Variants in NXPH1 observed in about 807,000 individuals in gnomAD.
NXPH1 encodes neurexophilin-1.
NXPH1 carries 5 observed loss-of-function variants against 23.7 expected under a neutral mutation model. That is an observed-to-expected ratio of 0.21 (90% CI 0.11 to 0.44). The LOEUF (loss-of-function observed/expected upper bound fraction) is 0.44. Ranked by LOEUF, NXPH1 falls within the 20% of genes least tolerant of loss-of-function variation. The pLI, the probability that NXPH1 is intolerant of heterozygous loss-of-function variation, is 0.99. For missense variants in NXPH1, 324 were observed against 321.6 expected (o/e 1.01, Z -0.06); for synonymous variants, 144 against 122.2 (o/e 1.18, Z -1.18).
chr7:8,528,260 G>A (rs1026536750), intron 2 of NXPH1, among the ~76,000 whole-genome samples: 1 of 152,236 alleles, frequency 6.6e-6, no homozygotes, highest in Non-Finnish European at 1.5e-5. Flanking sequence ...GGCACAGATT[G>A]TGCCCTTCTC....
chr7:8,549,022 T>A (rs1818237105), intron 2 of NXPH1, among the ~76,000 whole-genome samples: 1 of 151,552 alleles, frequency 6.6e-6, no homozygotes, highest in South Asian at 2.1e-4. Flanking sequence ...GTTGTAGAAC[T>A]CCTTTGTTTA....
At chr7:8,727,225 T>C (rs1780071839) in intron 2 of NXPH1, among the ~76,000 whole-genome samples, 1 of 127,530 alleles carries the variant, frequency 7.8e-6, no homozygotes, top group Non-Finnish European at 1.6e-5. Flanking sequence ...TCATTGTAGA[T>C]TCTGGATATT....
chr7:8,442,916 A>G lies in NXPH1; in HGVS notation c.54+7149A>G, dbSNP rs973872554. Among the ~76,000 whole-genome samples the G allele has an allele frequency of 2.0e-5, 3 of 152,226 alleles. No homozygotes were observed. Among genetic ancestry groups the G allele is most frequent in the Admixed American group, 6.5e-5 (1 of 15,288 alleles). On this transcript the variant is annotated intron_variant, in intron 2 of 2. Transcript: ENST00000405863. This position sits in a 1 kb window ranked among gnomAD's most constrained non-coding sequence, Gnocchi z 4.6. ...TTCTCGGGAGAATAGGCCGCGGGCT[A>G]TAAGATTTGATCGCGGGCAGGCGGG...
chr7:8,672,251 C>G (rs1386817783), intron 2 of NXPH1, among the ~76,000 whole-genome samples: 2 of 152,108 alleles, frequency 1.3e-5, no homozygotes, highest in Non-Finnish European at 2.9e-5. Flanking sequence ...ACCGCATATT[C>G]TCACTCATAG....
At chr7:8,498,407 C>T (rs775089657) in intron 2 of NXPH1, among the ~76,000 whole-genome samples, 2 of 152,034 alleles carry the variant, frequency 1.3e-5, no homozygotes, top group Admixed American at 1.3e-4. Flanking sequence ...TTTAGAGTAA[C>T]TTAATGACTA....
chr7:8,542,463 CA>C (rs1225264406), intron 2 of NXPH1, among the ~76,000 whole-genome samples: 5 of 151,316 alleles, frequency 3.3e-5, no homozygotes, highest in Non-Finnish European at 7.4e-5. Context: ...ACAACACAAC[CA>C]AAAAATTGAT....
intron 2 of NXPH1, among the ~76,000 whole-genome samples, chr7:8,450,421 A>G (rs1387847454): frequency 6.6e-6 from 1 of 152,266 alleles, no homozygotes; most frequent in Non-Finnish European, 1.5e-5. Flanking sequence ...TCAGACATCC[A>G]ACTAACTTAG....
intron 2 of NXPH1, among the ~76,000 whole-genome samples, chr7:8,622,620 G>C (rs77425804): frequency 0.043 from 6,505 of 152,232 alleles, 299 homozygotes; most frequent in African/African-American, 0.12. Context: ...CATTCAAACT[G>C]AAAGTTTGAA....
chr7:8,633,226 A>T (rs183119294), intron 2 of NXPH1, among the ~76,000 whole-genome samples: 144 of 152,248 alleles, frequency 9.5e-4, no homozygotes, highest in African/African-American at 3.3e-3. Context: ...AGGTCAGGAG[A>T]TGGAGGCCAT....
chr7:8,644,220 G>A (rs1820360411), intron 2 of NXPH1, among the ~76,000 whole-genome samples: 1 of 152,200 alleles, frequency 6.6e-6, no homozygotes. Flanking sequence ...GGAAGCAAAT[G>A]TCAGTGTTCC....
intron 2 of NXPH1, among the ~76,000 whole-genome samples, chr7:8,444,475 C>T (rs1272765142): frequency 6.6e-6 from 1 of 152,192 alleles, no homozygotes; most frequent in African/African-American, 2.4e-5. Flanking sequence ...AGGGTCTTGC[C>T]TGCTGGATTA....
chr7:8,592,620 A>C (rs1011383450), intron 2 of NXPH1, among the ~76,000 whole-genome samples: 3 of 151,996 alleles, frequency 2.0e-5, no homozygotes, highest in Admixed American at 2.0e-4. Flanking sequence ...AATCTTGGCA[A>C]ATGTTTCCAC....
In NXPH1 at chr7:8,551,793, A is replaced by G. The variant is rs1818279923; in HGVS notation, c.54+116026A>G. On this transcript the variant is annotated intron_variant, in intron 2 of 2. Coordinates refer to ENST00000405863, the MANE Select transcript of NXPH1 (RefSeq NM_152745.3). ...TTGAAGAGCAAACAAATGAGCAAGA[A>G]AACAGTGTTGTACAAATATTGTCAA... 2.6e-5 allele frequency among the ~76,000 whole-genome samples: 4 copies of G among 151,480 alleles called. No individual in the cohort carries two copies. The South Asian group carries it at 8.3e-4, about 31-fold the overall frequency.
intron 2 of NXPH1, among the ~76,000 whole-genome samples, chr7:8,489,771 C>G (rs993837111): frequency 3.3e-5 from 5 of 152,080 alleles, no homozygotes; most frequent in African/African-American, 1.2e-4. Context: ...ACCCTTAATT[C>G]CCTTAGCTGG....
chr7:8,601,347 A>G (rs957253519), intron 2 of NXPH1, among the ~76,000 whole-genome samples: 1 of 152,170 alleles, frequency 6.6e-6, no homozygotes, highest in Admixed American at 6.6e-5. Context: ...AGAGGAAGTG[A>G]AAGAAATATC....
At chr7:8,736,124 C>G (rs564232030) in intron 2 of NXPH1, among the ~76,000 whole-genome samples, 23 of 152,228 alleles carry the variant, frequency 1.5e-4, no homozygotes, top group Middle Eastern at 3.4e-3. Context: ...GTGTCTCTAT[C>G]TCCTTCAGTT....
chr7:8,446,562 T>C (rs1816407232), intron 2 of NXPH1, among the ~76,000 whole-genome samples: 3 of 152,220 alleles, frequency 2.0e-5, no homozygotes, highest in Non-Finnish European at 4.4e-5. Flanking sequence ...GCATCAAACA[T>C]AATAAAAATG....
chr7:8,574,585 G>A (rs944974723), intron 2 of NXPH1, among the ~76,000 whole-genome samples: 3 of 152,142 alleles, frequency 2.0e-5, no homozygotes, highest in Non-Finnish European at 4.4e-5. Context: ...GAGAAGGAAG[G>A]CCAAACAACA....
intron 2 of NXPH1, among the ~76,000 whole-genome samples, chr7:8,490,873 C>A (rs1484808577): frequency 6.6e-6 from 1 of 151,992 alleles, no homozygotes; most frequent in Admixed American, 6.6e-5. Context: ...TAAATATTAG[C>A]CAAGTACTTC....
Sources: gnomAD v4.1 joint callset for allele counts (sites outside exome capture counted in the v4.1 genomes callset) on GRCh38, gnomAD v4.1.1 for gene constraint, Gnocchi (gnomAD v3.1) non-coding constraint, MANE v1.5 for transcripts, NCBI Gene and HGNC (gene_info 2026-07-23, HGNC 2026-07-21) for gene names.